Variants in NTN1 observed in about 807,000 individuals in gnomAD.
The protein encoded by NTN1 is netrin 1.
In NTN1, 11 loss-of-function variants were observed where a neutral mutation model predicts 54.2. That is an observed-to-expected ratio of 0.20 (90% CI 0.13 to 0.34). The LOEUF is 0.34. NTN1 is among the 10% of genes least tolerant of loss of function. The pLI is 1.00. For synonymous variants in NTN1, 371 were observed against 382.0 expected (o/e 0.97, Z 0.33); for missense variants, 740 against 893.1 (o/e 0.83, Z 2.18).
chr17:9,124,785 C>T (rs1052949838), intron 2 of NTN1, among the ~76,000 whole-genome samples: 5 of 152,290 alleles, frequency 3.3e-5, no homozygotes, highest in African/African-American at 7.2e-5. Context: ...GCTCCCAAAA[C>T]CCTGGGACAT....
intron 6 of NTN1, among the ~76,000 whole-genome samples, chr17:9,223,364 C>T (rs1268546929): frequency 6.6e-6 from 1 of 152,042 alleles, no homozygotes; most frequent in East Asian, 1.9e-4. Context: ...CCAGCCTGGC[C>T]AACATGATGA....
At chr17:9,156,844 C>G (rs1237748404) in intron 2 of NTN1, among the ~76,000 whole-genome samples, 1 of 152,146 alleles carries the variant, frequency 6.6e-6, no homozygotes, top group African/African-American at 2.4e-5. Context: ...CCCTACCTGT[C>G]TAACTATCTA....
chr17:9,183,279 G>T, intron 5 of NTN1: 1 of 604,632 alleles, frequency 1.7e-6, no homozygotes, highest in Non-Finnish European at 3.2e-6. Context: ...TCCAGGCTGA[G>T]GGGTTGTCAC....
At chr17:9,075,767 A>G (rs1243706710) in intron 2 of NTN1, among the ~76,000 whole-genome samples, 1 of 152,226 alleles carries the variant, frequency 6.6e-6, no homozygotes, top group Non-Finnish European at 1.5e-5. Context: ...GCCTTGTGCC[A>G]GTCCCAGCGC....
intron 2 of NTN1, among the ~76,000 whole-genome samples, chr17:9,129,158 T>C (rs934843544): frequency 6.6e-6 from 1 of 152,118 alleles, no homozygotes; most frequent in African/African-American, 2.4e-5. Flanking sequence ...AACTCAGACC[T>C]GAGGAAATTG....
Position 9,221,502 on chromosome 17 carries a change from G to T in NTN1, c.1486+260G>T, listed in dbSNP as rs896082071. ...GGCTGGGACACCCAGGCTGGCCTCTGGCTTTGACTCTGCCGCTGATGGGCT... is the reference window on the plus strand; with the variant it reads ...GGCTGGGACACCCAGGCTGGCCTCTTGCTTTGACTCTGCCGCTGATGGGCT... On this transcript the variant is annotated intron_variant, in intron 6 of 6. Coordinates refer to ENST00000173229, the MANE Select transcript of NTN1 (RefSeq NM_004822.3). The surrounding 1 kb of genome is among the most constrained non-coding windows in gnomAD (Gnocchi z 4.5). Among the ~76,000 whole-genome samples, 1 of 152,212 alleles carries T rather than the reference G, an allele frequency of 6.6e-6. No homozygotes were observed. Among genetic ancestry groups the T allele is most frequent in the Non-Finnish European group, 1.5e-5 (1 of 68,030 alleles).
intron 3 of NTN1, among the ~76,000 whole-genome samples, chr17:9,167,628 A>G (rs145544350): frequency 6.6e-6 from 1 of 152,320 alleles, no homozygotes; most frequent in Non-Finnish European, 1.5e-5. Flanking sequence ...AAGCAAGAAG[A>G]TGCAATAATT....
intron 2 of NTN1, among the ~76,000 whole-genome samples, chr17:9,031,481 T>G (rs1453704448): frequency 6.6e-6 from 1 of 152,204 alleles, no homozygotes; most frequent in East Asian, 1.9e-4. Context: ...CTCCTCAATA[T>G]AACTCCTTAG....
chr17:9,040,778 G>A (rs769818954), intron 2 of NTN1, among the ~76,000 whole-genome samples: 5 of 151,814 alleles, frequency 3.3e-5, no homozygotes, highest in Admixed American at 6.6e-5. Flanking sequence ...TGACTTACTG[G>A]GAGGGTTGCT....
chr17:9,235,516 C>T (rs1905956259), intron 6 of NTN1, among the ~76,000 whole-genome samples: 1 of 152,138 alleles, frequency 6.6e-6, no homozygotes, highest in Non-Finnish European at 1.5e-5. Context: ...GTGTCTTAGT[C>T]AGTTCTGGGC....
chr17:9,183,351 G>T (rs182513596), intron 5 of NTN1: 1 of 511,462 alleles, frequency 2.0e-6, no homozygotes, highest in Admixed American at 2.3e-5. Flanking sequence ...GGAGGCTTGG[G>T]CACAGGGTCG....
intron 2 of NTN1, among the ~76,000 whole-genome samples, chr17:9,037,306 T>G (rs1567695974): frequency 6.6e-6 from 1 of 152,254 alleles, no homozygotes; most frequent in African/African-American, 2.4e-5. Context: ...GTTAGTTTGA[T>G]GGATGATCTC....
At chr17:9,092,980 G>C (rs570373380) in intron 2 of NTN1, among the ~76,000 whole-genome samples, 2 of 152,114 alleles carry the variant, frequency 1.3e-5, no homozygotes, top group Non-Finnish European at 2.9e-5. Flanking sequence ...GGATGGTCTC[G>C]ATCTCCTGCC....
At chr17:9,209,438 G>C (rs1166708892) in intron 5 of NTN1, among the ~76,000 whole-genome samples, 2 of 152,250 alleles carry the variant, frequency 1.3e-5, no homozygotes, top group East Asian at 1.9e-4. Context: ...TCAGACTCAG[G>C]CCTGGTGTTT....
chr17:9,163,359 C>T (rs796624582), intron 3 of NTN1, among the ~76,000 whole-genome samples: 9 of 152,188 alleles, frequency 5.9e-5, no homozygotes, highest in African/African-American at 2.2e-4. Context: ...TGCTGCATAC[C>T]AGAGGGCTGC....
In NTN1 at chr17:9,225,913, G is replaced by A. The variant is rs555927114; in HGVS notation, c.1486+4671G>A. Reference sequence around the variant, plus strand: ...AGCAGGCCCGGCTGCCAGCAGCCCCGGACCCCCTTCCTCCTCCAGGCCTCG... The same window carrying A: ...AGCAGGCCCGGCTGCCAGCAGCCCCAGACCCCCTTCCTCCTCCAGGCCTCG... On this transcript the variant is annotated intron_variant, in intron 6 of 6. Coordinates refer to ENST00000173229, the MANE Select transcript of NTN1 (RefSeq NM_004822.3). Among the ~76,000 whole-genome samples the A allele has an allele frequency of 8.2e-4, 125 of 152,334 alleles. 1 individual carries two copies. The highest frequency in any genetic ancestry group is 2.7e-3 in the African/African-American group (111 of 41,584).
At position 9,221,319 on chromosome 17, in the gene NTN1, C is replaced by A. The variant is rs1905346703; in HGVS notation, c.1486+77C>A. The A allele has an allele frequency of 2.6e-6, 3 of 1,153,918 alleles. No individual in the cohort carries two copies. The highest frequency in any genetic ancestry group is 1.7e-5 in the Admixed American group (1 of 59,254). The allele number at this position is 1,153,918 out of a possible 1,614,324, so 71.5% of individuals were successfully genotyped here. ...GCGAGGTGCTGGGGCTGGGGTGCAGCTGGCCCCCGATGGGTGTTGGTCGTG... is the reference window on the plus strand; with the variant it reads ...GCGAGGTGCTGGGGCTGGGGTGCAGATGGCCCCCGATGGGTGTTGGTCGTG... On this transcript the variant is annotated intron_variant, in intron 6 of 6. Transcript: ENST00000173229. The surrounding 1 kb of genome is among the most constrained non-coding windows in gnomAD (Gnocchi z 4.5).
At chr17:9,055,993 A>ACTCAGGTGATCCTCCTGC (rs1284228181) in intron 2 of NTN1, among the ~76,000 whole-genome samples, 4 of 143,956 alleles carry the variant, frequency 2.8e-5, no homozygotes, top group Non-Finnish European at 4.5e-5. Flanking sequence ...AACCTCCCAG[A>ACTCAGGTGATCCTCCTGC]CTCAGGTGAT....
chr17:9,192,147 T>A lies in NTN1; in HGVS notation c.1411+9178T>A, dbSNP rs766814016. The stretch of plus-strand genomic sequence containing the variant: ...ATTTGGCATTGTGTATCAAAAGGTA[T>A]CCATGACCCCATCAGTTCAATTCTA... On this transcript the variant is annotated intron_variant, in intron 5 of 6. Transcript: ENST00000173229. Among the ~76,000 whole-genome samples, 91 of 152,162 alleles carry A rather than the reference T, an allele frequency of 6.0e-4. 1 individual carries two copies. The highest frequency in any genetic ancestry group is 1.5e-4 in the Non-Finnish European group (10 of 68,040).
Sources: gnomAD v4.1 joint callset for allele counts (sites outside exome capture counted in the v4.1 genomes callset) on GRCh38, gnomAD v4.1.1 for gene constraint, Gnocchi (gnomAD v3.1) non-coding constraint, MANE v1.5 for transcripts, NCBI Gene and HGNC (gene_info 2026-07-23, HGNC 2026-07-21) for gene names.